NCLN: variants seen among roughly 807,000 people sequenced by gnomAD.
NCLN encodes the protein nicalin.
Under a neutral mutation model 69.5 loss-of-function variants are expected in NCLN, and 34 were observed. The observed-to-expected ratio is 0.49, with a 90% CI of 0.37 to 0.65. NCLN has a LOEUF of 0.65. NCLN is among the 30% of genes least tolerant of loss of function. NCLN has a pLI of 0.00. For missense variants in NCLN, 710 were observed against 804.8 expected, an observed-to-expected ratio of 0.88 and a Z score of 1.42; for synonymous variants, 393 against 358.3, an observed-to-expected ratio of 1.10 and a Z score of -1.09.
At chr19:3,188,993 G>A (rs930841799) in intron 1 of NCLN, among the ~76,000 whole-genome samples, 1 of 152,246 alleles carries the variant, frequency 6.6e-6, no homozygotes, top group Admixed American at 6.5e-5. Context: ...TTCCCGGTGT[G>A]CTTTCACCCC....
At chr19:3,191,491 C>T (rs948313121) in intron 1 of NCLN, among the ~76,000 whole-genome samples, 3 of 152,176 alleles carry the variant, frequency 2.0e-5, no homozygotes, top group African/African-American at 2.4e-5. Flanking sequence ...AGAAAGCTTA[C>T]GTGTCCAAGG....
Position 3,207,668 on chromosome 19 carries a change from G to A in NCLN, c.1672G>A (p.Val558Met), listed in dbSNP as rs144584009. ...LLYKTVQRLLVKAKTQ is the reference protein window; with the variant it reads ...LLYKTVQRLLMKAKTQ ...CTACAAGACCGTCCAGAGGCTGCTC[G>A]TGAAGGCCAAGACACAGTGACACAG... is the stretch of plus-strand genomic sequence containing the variant. The change falls in exon 15 of 15, where the codon GTG (valine) becomes ATG (methionine). Residue 558 changes from valine (V) to methionine (M), a missense_variant. Coordinates refer to ENST00000246117, the MANE Select transcript of NCLN (RefSeq NM_020170.4). 9.3e-6 allele frequency: 15 copies of A among 1,612,638 alleles called. No individual in the cohort carries two copies. Among genetic ancestry groups the A allele is most frequent in the South Asian group, 6.6e-5 (6 of 91,094 alleles).
chr19:3,190,750 T>C (rs1278912722), intron 1 of NCLN, among the ~76,000 whole-genome samples: 1 of 147,772 alleles, frequency 6.8e-6, no homozygotes. Context: ...CCCCCCTGCG[T>C]CAGGCCTGTA....
At position 3,207,795 on chromosome 19, in the gene NCLN, C is replaced by G. The variant is rs943963908; in HGVS notation, c.*107C>G. On this transcript the variant is annotated 3_prime_UTR_variant, in exon 15 of 15. Transcript: ENST00000246117. ...CGGGCGGCCCTGCAGGGACAGGGGCCCTCTCCCTCCCCGGCGGTGGTTGGA... is the reference window on the plus strand; with the variant it reads ...CGGGCGGCCCTGCAGGGACAGGGGCGCTCTCCCTCCCCGGCGGTGGTTGGA... 5.7e-6 allele frequency: 5 copies of G among 882,224 alleles called. No homozygotes were observed. The highest frequency in any genetic ancestry group is 9.3e-6 in the Non-Finnish European group (5 of 539,890). 54.6% of individuals were successfully genotyped at this position (882,224 alleles called of 1,614,324 possible). A position where few individuals can be genotyped will look rare whatever the true frequency, so the allele number is the denominator to read the frequency against.
intron 4 of NCLN, 114 bp downstream of exon 4, chr19:3,196,391 G>C: frequency 2.7e-6 from 2 of 749,836 alleles, no homozygotes; most frequent in Non-Finnish European, 4.2e-6. Context: ...ACTGGAGTCG[G>C]ATCGCCCCCC....
intron 5 of NCLN, among the ~76,000 whole-genome samples, chr19:3,200,807 G>A (rs993553168): frequency 1.3e-5 from 2 of 151,954 alleles, no homozygotes; most frequent in African/African-American, 2.4e-5. Flanking sequence ...GTGCGCATCC[G>A]TCCCAGTGCC....
Position 3,206,161 on chromosome 19 carries a change from C to G in NCLN, c.1306C>G (p.Pro436Ala), listed in dbSNP as rs1465247433. The stretch of plus-strand genomic sequence containing the variant: ...CCTCCTCTCTCCGCAGGGGACACCC[C>G]CAGACATGCCGGTGTTCACAGAGCA... ...IYNLTEKGTP[P>A]DMPVFTEQMQ... is the part of the protein sequence containing the mutation. The change falls in exon 11 of 15, where the codon CCA (proline) becomes GCA (alanine). Residue 436 changes from proline (P) to alanine (A), a missense_variant. Transcript: ENST00000246117. 21 of 1,518,332 alleles carry G rather than the reference C, an allele frequency of 1.4e-5. No individual in the cohort carries two copies. Among genetic ancestry groups the G allele is most frequent in the East Asian group, 4.9e-5 (2 of 40,646 alleles). 94.1% of individuals were successfully genotyped at this position (1,518,332 alleles called of 1,614,324 possible).
chr19:3,207,430 C>T lies in NCLN; in HGVS notation c.1593C>T (p.Gly531=), dbSNP rs746295369. 16 of 1,613,090 alleles carry T rather than the reference C, an allele frequency of 9.9e-6. No homozygotes were observed. In the South Asian group the frequency reaches 1.3e-4, roughly 13 times the overall value. The change falls in exon 14 of 15, where the codon GGC becomes GGT. Residue 531 remains glycine (G), a synonymous_variant. Coordinates refer to ENST00000246117, the MANE Select transcript of NCLN (RefSeq NM_020170.4). ...TCTTTGACCTGCTCCTGGCTGTTGG[C>T]ATTGCTGCCTACCTCGGCATGGCCT... ...PAVFDLLLAV[G]IAAYLGMAYV... is the part of the protein sequence containing the mutation.
At chr19:3,201,901 T>C (rs1451642526) in intron 6 of NCLN, among the ~76,000 whole-genome samples, 1 of 152,056 alleles carries the variant, frequency 6.6e-6, no homozygotes, top group Non-Finnish European at 1.5e-5. Context: ...TTAAGGGCCC[T>C]GGAACTAGGG....
chr19:3,203,487 G>A (rs1404934712), intron 6 of NCLN, among the ~76,000 whole-genome samples: 3 of 152,172 alleles, frequency 2.0e-5, no homozygotes, highest in Non-Finnish European at 2.9e-5. Context: ...ATTTGCAGTT[G>A]TCATTGGGGG....
intron 6 of NCLN, among the ~76,000 whole-genome samples, chr19:3,202,548 T>C (rs1262835305): frequency 6.6e-6 from 1 of 152,136 alleles, no homozygotes; most frequent in Non-Finnish European, 1.5e-5. Flanking sequence ...ACTGCTGCAG[T>C]CATTGTGTCA....
chr19:3,202,556 T>C (rs1916154487), intron 6 of NCLN, among the ~76,000 whole-genome samples: 1 of 152,192 alleles, frequency 6.6e-6, no homozygotes, highest in African/African-American at 2.4e-5. Flanking sequence ...AGTCATTGTG[T>C]CAGCAGCTCA....
chr19:3,201,347 G>T (rs1276713427), intron 5 of NCLN, among the ~76,000 whole-genome samples, 176 bp from the exon 6 acceptor site: 1 of 152,206 alleles, frequency 6.6e-6, no homozygotes, highest in Non-Finnish European at 1.5e-5. Flanking sequence ...ACTGGACGTG[G>T]CAGAGGGGCT....
chr19:3,202,221 A>G (rs974139574), intron 6 of NCLN, among the ~76,000 whole-genome samples: 1 of 151,968 alleles, frequency 6.6e-6, no homozygotes, highest in African/African-American at 2.4e-5. Flanking sequence ...GTAGGAAGGG[A>G]GAGAGGAGGT....
At chr19:3,206,626 A>G (rs1916279898) in intron 12 of NCLN, among the ~76,000 whole-genome samples, 3 of 152,196 alleles carry the variant, frequency 2.0e-5, no homozygotes, top group Non-Finnish European at 2.9e-5. Flanking sequence ...ACTTGAGGTC[A>G]GGAGTTCAAG....
rs746900941 is a variant in NCLN at position 3,198,827 on chromosome 19, C to T, written c.626C>T (p.Thr209Met). 1.5e-5 allele frequency: 23 copies of T among 1,576,100 alleles called. No homozygotes were observed. Among genetic ancestry groups the T allele is most frequent in the East Asian group, 4.9e-5 (2 of 40,932 alleles). Residue 209 changes from threonine (T) to methionine (M), a missense_variant, in exon 5 of 15, where the codon ACG (threonine) becomes ATG (methionine). Coordinates refer to ENST00000246117, the MANE Select transcript of NCLN (RefSeq NM_020170.4). Reference sequence around the variant, plus strand: ...GCTCTCTATCCACAGGGGCGGCTGACGGGGCTGGGCGGAGAGGACCTTCCC... The same window carrying T: ...GCTCTCTATCCACAGGGGCGGCTGATGGGGCTGGGCGGAGAGGACCTTCCC... ...WLIASVEGRL[T>M]GLGGEDLPTI...
chr19:3,188,511 C>G (rs969246075), intron 1 of NCLN, among the ~76,000 whole-genome samples: 1 of 152,040 alleles, frequency 6.6e-6, no homozygotes, highest in Non-Finnish European at 1.5e-5. Flanking sequence ...TTCCCCGATT[C>G]CCTCGGCCCC....
chr19:3,202,831 G>A (rs978995076), intron 6 of NCLN, among the ~76,000 whole-genome samples: 7 of 152,036 alleles, frequency 4.6e-5, no homozygotes, highest in South Asian at 2.1e-4. Flanking sequence ...TGTCAAAAAC[G>A]TGTGAACGGG....
intron 5 of NCLN, among the ~76,000 whole-genome samples, chr19:3,200,296 T>C (rs555824456): frequency 4.0e-5 from 6 of 149,338 alleles, no homozygotes; most frequent in African/African-American, 1.5e-4. Context: ...TTGTTTTAAA[T>C]TTATTTTATT....
Sources: gnomAD v4.1 joint callset for allele counts (sites outside exome capture counted in the v4.1 genomes callset) on GRCh38, gnomAD v4.1.1 for gene constraint, MANE v1.5 for transcripts, NCBI Gene and HGNC (gene_info 2026-07-23, HGNC 2026-07-21) for gene names.